The following PRKCB variants were observed in gnomAD, a reference collection of about 807,000 sequenced individuals.
The protein encoded by PRKCB is protein kinase C beta type.
PRKCB carries 13 observed loss-of-function variants against 81.5 expected under a neutral mutation model. The ratio of observed to expected loss-of-function variants is 0.16; its 90% confidence interval spans 0.10 to 0.25. The LOEUF (loss-of-function observed/expected upper bound fraction) is 0.25. PRKCB is among the 10% of genes least tolerant of loss of function. PRKCB has a pLI of 1.00. For missense variants in PRKCB, 509 were observed against 875.7 expected (o/e 0.58, Z 5.29); for synonymous variants, 335 against 321.4 (o/e 1.04, Z -0.45).
rs369267152 is a variant in PRKCB, at chr16:23,882,002, CTT to C, written c.205+44598_205+44599del. On this transcript the variant is annotated intron_variant, in intron 2 of 16. Transcript: ENST00000643927. ...TCTTTCTTTCTTTCTTTCTTTCTTT[CTT>C]TCTTTCTTTCTTTCTTTCTTCCTTC... Among the ~76,000 whole-genome samples the C allele has an allele frequency of 1.5e-3, 138 of 90,308 alleles. 1 individual carries two copies. Among genetic ancestry groups the C allele is most frequent in the African/African-American group, 5.4e-3 (131 of 24,478 alleles). The allele number at this position is 90,308 out of a possible 152,430, so 59.2% of individuals were successfully genotyped here. A position where few individuals can be genotyped will look rare whatever the true frequency, so the allele number is the denominator to read the frequency against.
intron 3 of PRKCB, among the ~76,000 whole-genome samples, chr16:23,990,594 G>C (rs1286214271): frequency 6.7e-6 from 1 of 149,848 alleles, no homozygotes; most frequent in African/African-American, 2.5e-5. Flanking sequence ...GCCCAGGCCA[G>C]AGTGTGGTGG....
At chr16:23,962,441 ATTC>A (rs1169352716) in intron 2 of PRKCB, among the ~76,000 whole-genome samples, 2 of 152,156 alleles carry the variant, frequency 1.3e-5, no homozygotes, top group Middle Eastern at 3.2e-3. Flanking sequence ...TCTTTAGCAT[ATTC>A]TTGGTTTGGT....
intron 9 of PRKCB, among the ~76,000 whole-genome samples, chr16:24,134,328 G>T (rs1966858329): frequency 6.6e-6 from 1 of 152,092 alleles, no homozygotes. Flanking sequence ...AGGTGTGGTG[G>T]CTCATGGCTA....
At chr16:23,931,720 T>G (rs1476552653) in intron 2 of PRKCB, among the ~76,000 whole-genome samples, 1 of 152,064 alleles carries the variant, frequency 6.6e-6, no homozygotes, top group African/African-American at 2.4e-5. Flanking sequence ...CTTCCCGGCC[T>G]TCTGGCCTGC....
At chr16:24,124,753 G>A (rs1177235655) in intron 9 of PRKCB, among the ~76,000 whole-genome samples, 1 of 152,102 alleles carries the variant, frequency 6.6e-6, no homozygotes, top group Non-Finnish European at 1.5e-5. Context: ...ATGAACTCAG[G>A]TGTGCAAAAA....
chr16:24,072,852 G>T lies in PRKCB; in HGVS notation c.530-19939G>T, dbSNP rs577611866. 8.5e-5 allele frequency among the ~76,000 whole-genome samples: 13 copies of T among 152,248 alleles called. No individual in the cohort carries two copies. The South Asian group carries it at 2.7e-3, about 32-fold the overall frequency. ...CCGCCTCAGCCTCCCAAAGCACTGGGATTACATGTGTGCGCCACGCACCTG... is the reference window on the plus strand; with the variant it reads ...CCGCCTCAGCCTCCCAAAGCACTGGTATTACATGTGTGCGCCACGCACCTG... On this transcript the variant is annotated intron_variant, in intron 5 of 16. Coordinates refer to ENST00000643927, the MANE Select transcript of PRKCB (RefSeq NM_002738.7).
At chr16:23,842,016 T>G (rs1962276430) in intron 2 of PRKCB, among the ~76,000 whole-genome samples, 1 of 152,172 alleles carries the variant, frequency 6.6e-6, no homozygotes, top group South Asian at 2.1e-4. Context: ...CTTTGCTGCC[T>G]GTGCCTGGTC....
intron 2 of PRKCB, among the ~76,000 whole-genome samples, chr16:23,855,354 T>C (rs1284120003): frequency 6.6e-6 from 1 of 152,138 alleles, no homozygotes; most frequent in Non-Finnish European, 1.5e-5. Flanking sequence ...TTCAGTTTCT[T>C]TGTCTGTGAA....
At chr16:24,021,126 T>TTTCC (rs1176555968) in intron 3 of PRKCB, among the ~76,000 whole-genome samples, 16 of 146,798 alleles carry the variant, frequency 1.1e-4, no homozygotes, top group African/African-American at 3.0e-4. Flanking sequence ...TCTTTCTTTC[T>TTTCC]TTCCTTCCTT....
chr16:24,207,326 CTTCTT>C (rs1968061150), intron 16 of PRKCB, among the ~76,000 whole-genome samples: 1 of 152,148 alleles, frequency 6.6e-6, no homozygotes, highest in Non-Finnish European at 1.5e-5. Flanking sequence ...GCTTTCACAG[CTTCTT>C]TTCTTATTAC....
rs1248064835 is a variant in PRKCB at position 23,912,836 on chromosome 16, ATTTT to A, written c.205+75433_205+75436del. 3.5e-3 allele frequency among the ~76,000 whole-genome samples: 496 copies of A among 140,734 alleles called. 5 individuals are homozygous for A. The highest frequency in any genetic ancestry group is 0.012 in the African/African-American group (432 of 37,196). 92.3% of individuals were successfully genotyped at this position (140,734 alleles called of 152,430 possible). On this transcript the variant is annotated intron_variant, in intron 2 of 16. Coordinates refer to ENST00000643927, the MANE Select transcript of PRKCB (RefSeq NM_002738.7). The stretch of plus-strand genomic sequence containing the variant: ...CCTTTATTTATTTATTTATTTATTT[ATTTT>A]TTGATATGGAGTCATGCTCTGTTGC...
Position 24,216,340 on chromosome 16 carries a change from A to C in PRKCB, c.*1524A>C. The C allele has an allele frequency of 1.0e-6, 1 of 985,430 alleles. No homozygotes were observed. Among genetic ancestry groups the C allele is most frequent in the Non-Finnish European group, 1.2e-6 (1 of 829,938 alleles). 61.0% of individuals were successfully genotyped at this position (985,430 alleles called of 1,614,324 possible). A position where few individuals can be genotyped will look rare whatever the true frequency, so the allele number is the denominator to read the frequency against. ...GCTTGGACTAAATATTCTTTCTAGCAAGCAGCTTTGTGAGCTCCCTGAAGC... is the reference window on the plus strand; with the variant it reads ...GCTTGGACTAAATATTCTTTCTAGCCAGCAGCTTTGTGAGCTCCCTGAAGC... On this transcript the variant is annotated 3_prime_UTR_variant, in exon 17 of 17. Coordinates refer to ENST00000643927, the MANE Select transcript of PRKCB (RefSeq NM_002738.7).
At chr16:23,972,786 C>A (rs778329060) in intron 2 of PRKCB, among the ~76,000 whole-genome samples, 2 of 152,084 alleles carry the variant, frequency 1.3e-5, no homozygotes, top group African/African-American at 4.8e-5. Flanking sequence ...AACCAATCAG[C>A]CAATTAAATA....
chr16:23,836,070 C>T lies in PRKCB; in HGVS notation c.-106C>T. The T allele has an allele frequency of 2.4e-6, 2 of 843,030 alleles. No individual in the cohort carries two copies. The highest frequency in any genetic ancestry group is 2.9e-6 in the Non-Finnish European group (2 of 700,028). 52.2% of individuals were successfully genotyped at this position (843,030 alleles called of 1,614,324 possible). On this transcript the variant is annotated 5_prime_UTR_variant, in exon 1 of 17. Transcript: ENST00000643927. ...CGGCGCAGGGGAAGCGCCCGCGGCC[C>T]CGGGTGCAGCAGCGGCCGCCGCCTC...
At chr16:24,128,281 A>C (rs561221204) in intron 9 of PRKCB, among the ~76,000 whole-genome samples, 154 of 152,310 alleles carry the variant, frequency 1.0e-3, no homozygotes, top group Non-Finnish European at 1.9e-3. Flanking sequence ...AGGCTGAGGC[A>C]GGAGAATCGC....
chr16:23,956,979 T>TAAAAAAAAAAAAAAAAAAAAAAAA, intron 2 of PRKCB, among the ~76,000 whole-genome samples: 1 of 45,954 alleles, frequency 2.2e-5, no homozygotes, highest in Non-Finnish European at 3.9e-5. Flanking sequence ...CTATAGGCAG[T>TAAAAAAAAAAAAAAAAAAAAAAAA]AAAAAAAAAA....
intron 2 of PRKCB, among the ~76,000 whole-genome samples, chr16:23,854,470 G>T (rs1430537890): frequency 6.6e-6 from 1 of 152,096 alleles, no homozygotes; most frequent in Non-Finnish European, 1.5e-5. Context: ...TTCTTGGCTG[G>T]GCTCATTTAC....
chr16:24,178,556 A>C (rs886182660), intron 12 of PRKCB, among the ~76,000 whole-genome samples: 13 of 152,256 alleles, frequency 8.5e-5, no homozygotes, highest in African/African-American at 3.1e-4. Context: ...GAGAAATCAC[A>C]TATATCACAT....
At chr16:23,866,634 A>T (rs1448299277) in intron 2 of PRKCB, among the ~76,000 whole-genome samples, 1 of 152,168 alleles carries the variant, frequency 6.6e-6, no homozygotes, top group Admixed American at 6.5e-5. Context: ...TACAAACAGC[A>T]TGGCAATGAG....
Sources: allele counts gnomAD v4.1 joint callset (sites outside exome capture counted in the v4.1 genomes callset), GRCh38; gene constraint gnomAD v4.1.1; transcripts MANE v1.5; gene names NCBI Gene and HGNC (gene_info 2026-07-23, HGNC 2026-07-21).